Variants in CEP85L observed in about 807,000 individuals in gnomAD.
CEP85L encodes the protein centrosomal protein of 85 kDa-like.
CEP85L carries 60 observed loss-of-function variants against 100.3 expected under a neutral mutation model. The ratio of observed to expected loss-of-function variants is 0.60; its 90% CI spans 0.49 to 0.74. CEP85L has a LOEUF of 0.74. Among genes scored for constraint, CEP85L ranks in the 30% least tolerant of loss-of-function variants. The probability of loss-of-function intolerance (pLI) is 0.00; values close to 1 mark genes in which losing one functional copy is unlikely to be tolerated. For synonymous variants in CEP85L, 319 were observed against 322.7 expected, an observed-to-expected ratio of 0.99 and a Z score of 0.12; for missense variants, 973 against 936.2, an observed-to-expected ratio of 1.04 and a Z score of -0.51.
upstream of CEP85L, chr6:118,652,466 T>G: frequency 1.6e-6 from 2 of 1,268,570 alleles, no homozygotes; most frequent in Non-Finnish European, 2.0e-6. Flanking sequence ...TATAAAAAAT[T>G]CTGGGCCAGC....
chr6:118,474,680 A>G (rs544735261), intron 10 of CEP85L, among the ~76,000 whole-genome samples: 4 of 152,336 alleles, frequency 2.6e-5, no homozygotes, highest in African/African-American at 9.6e-5. Context: ...CATTGTCCCC[A>G]CACCAATTAA....
chr6:118,557,910 C>T (rs1778972645), intron 3 of CEP85L, among the ~76,000 whole-genome samples: 2 of 151,808 alleles, frequency 1.3e-5, no homozygotes, highest in Non-Finnish European at 2.9e-5. Flanking sequence ...TAATAGACCA[C>T]CACAACCACT....
At chr6:118,502,574 TG>T (rs1295670827) in intron 5 of CEP85L, 1 of 475,108 alleles carries the variant, frequency 2.1e-6, no homozygotes, top group Non-Finnish European at 3.9e-6. Flanking sequence ...TAACAAACTT[TG>T]GCGCTCCGGT....
At chr6:118,507,888 C>A (rs17080282) in intron 5 of CEP85L, among the ~76,000 whole-genome samples, 1,705 of 152,230 alleles carry the variant, frequency 0.011, 43 homozygotes, top group African/African-American at 0.039. Flanking sequence ...AAACCCTGTG[C>A]GAATCAACAC....
intron 6 of CEP85L, among the ~76,000 whole-genome samples, chr6:118,485,309 T>C (rs900999811): frequency 6.6e-6 from 1 of 152,210 alleles, no homozygotes; most frequent in African/African-American, 2.4e-5. Context: ...GTAAGATGGA[T>C]TATTCTTTCA....
rs1406976770 is a variant in CEP85L, at chr6:118,464,864, T to C, written c.*541A>G. The C allele has an allele frequency of 6.6e-6, 1 of 152,384 alleles. No homozygotes were observed. The highest frequency in any genetic ancestry group is 1.5e-5 in the Non-Finnish European group (1 of 68,220). 9.4% of individuals were successfully genotyped at this position (152,384 alleles called of 1,614,324 possible). ...AATGGTTTTGCCTCCTGTACTACCATGACAACACTTGCCTGCTGTTTGAAC... is the reference window on the plus strand; with the variant it reads ...AATGGTTTTGCCTCCTGTACTACCACGACAACACTTGCCTGCTGTTTGAAC... On this transcript the variant is annotated 3_prime_UTR_variant, in exon 13 of 13. Transcript: ENST00000368491.
chr6:118,578,506 C>T lies in CEP85L; in HGVS notation c.233-12190G>A, dbSNP rs184826140. On this transcript the variant is annotated intron_variant, in intron 2 of 12. Coordinates refer to ENST00000368491, the MANE Select transcript of CEP85L (RefSeq NM_001042475.3). The stretch of plus-strand genomic sequence containing the variant: ...CAGCACTTTGGGAGGCTGAGGCGGG[C>T]GGATCACGAGGTCAGGAGATTGAGA... 3.8e-3 allele frequency among the ~76,000 whole-genome samples: 581 copies of T among 152,092 alleles called. 3 individuals are homozygous for T. Among genetic ancestry groups the T allele is most frequent in the African/African-American group, 0.013 (540 of 41,498 alleles).
upstream of CEP85L, among the ~76,000 whole-genome samples, chr6:118,654,763 T>C (rs190752327): frequency 2.0e-5 from 3 of 152,386 alleles, no homozygotes; most frequent in Admixed American, 1.3e-4. Flanking sequence ...TTGGGGATTA[T>C]AATGATAACT....
chr6:118,466,099 G>C (rs1772500088), intron 12 of CEP85L, among the ~76,000 whole-genome samples: 1 of 152,110 alleles, frequency 6.6e-6, no homozygotes, highest in Non-Finnish European at 1.5e-5. Flanking sequence ...GTGAAAGCTG[G>C]GACCCTACAA....
intron 2 of CEP85L, among the ~76,000 whole-genome samples, chr6:118,599,710 C>G (rs897821625): frequency 6.6e-6 from 1 of 150,458 alleles, no homozygotes. Context: ...CTAATGATGT[C>G]GAATTATTAT....
At chr6:118,646,788 T>C (rs1055528985) in intron 1 of CEP85L, 2 of 311,302 alleles carry the variant, frequency 6.4e-6, no homozygotes, top group South Asian at 1.3e-4. Flanking sequence ...TATGTCTTCA[T>C]CATCTTTTCA....
At chr6:118,656,726 T>C (rs144852049), upstream of CEP85L, 1 of 152,356 alleles carries the variant, frequency 6.6e-6, no homozygotes, top group African/African-American at 2.4e-5. Context: ...TCAGTGTTAT[T>C]GGGATGTCCA....
chr6:118,673,851 A>G (rs2115432350), intron 1 of CEP85L, among the ~76,000 whole-genome samples: 2 of 152,332 alleles, frequency 1.3e-5, no homozygotes, highest in South Asian at 4.1e-4. Flanking sequence ...ATAAACTTAA[A>G]TGACCCCACT....
At chr6:118,493,359 T>G (rs1264143533) in intron 5 of CEP85L, among the ~76,000 whole-genome samples, 1 of 152,154 alleles carries the variant, frequency 6.6e-6, no homozygotes, top group Non-Finnish European at 1.5e-5. Flanking sequence ...AACTTGGCTT[T>G]GTAAATCTCT....
intron 2 of CEP85L, among the ~76,000 whole-genome samples, chr6:118,604,668 C>A (rs1379798819): frequency 1.3e-5 from 2 of 152,174 alleles, no homozygotes; most frequent in African/African-American, 4.8e-5. Flanking sequence ...CAGATAAGAA[C>A]TGACTCTCCA....
intron 6 of CEP85L, among the ~76,000 whole-genome samples, chr6:118,491,196 TAC>T (rs1160030823): frequency 0.2 from 22,664 of 116,048 alleles, 2,257 homozygotes; most frequent in East Asian, 0.48. Flanking sequence ...CCAACATCTA[TAC>T]ACACACACAC....
intron 6 of CEP85L, 79 bp from the exon 7 acceptor site, chr6:118,483,937 CACCATT>C: frequency 7.7e-7 from 1 of 1,298,784 alleles, no homozygotes; most frequent in South Asian, 1.4e-5. Context: ...TAATATTAGA[CACCATT>C]GAATTCACCA....
chr6:118,703,141 CAAAT>C (rs1219320513), intron 1 of CEP85L, among the ~76,000 whole-genome samples: 7 of 151,948 alleles, frequency 4.6e-5, no homozygotes, highest in Non-Finnish European at 1.0e-4. Flanking sequence ...CCTAGCAAAA[CAAAT>C]AAATCAGTCT....
chr6:118,482,219 A>G (rs1017042081), intron 7 of CEP85L, among the ~76,000 whole-genome samples: 1 of 152,158 alleles, frequency 6.6e-6, no homozygotes, highest in Admixed American at 6.6e-5. Context: ...ATTGTAATAA[A>G]TATATAACTC....
Sources: gnomAD v4.1 joint callset for allele counts (sites outside exome capture counted in the v4.1 genomes callset) on GRCh38, gnomAD v4.1.1 for gene constraint, MANE v1.5 for transcripts, NCBI Gene and HGNC (gene_info 2026-07-23, HGNC 2026-07-21) for gene names.